The following IL1RAPL1 variants were observed in gnomAD, a reference collection of about 807,000 sequenced individuals.
IL1RAPL1 encodes the protein interleukin 1 receptor accessory protein like 1, also known as interleukin-1 receptor accessory protein-like 1.
IL1RAPL1 carries 3 observed loss-of-function variants against 48.4 expected under a neutral mutation model. The observed-to-expected ratio is 0.06, with a 90% confidence interval of 0.03 to 0.16. IL1RAPL1 has a LOEUF of 0.16. Ranked by LOEUF, IL1RAPL1 falls within the 10% of genes least tolerant of loss-of-function variation. The pLI, the probability that IL1RAPL1 is intolerant of heterozygous loss-of-function variation, is 1.00. For missense variants in IL1RAPL1, 349 were observed against 530.6 expected (o/e 0.66, Z 3.36); for synonymous variants, 185 against 187.7 (o/e 0.99, Z 0.12).
At chrX:28,913,367 T>G (rs1465660443) in intron 2 of IL1RAPL1, among the ~76,000 whole-genome samples, 1 of 111,775 alleles carries the variant, frequency 8.9e-6, no homozygotes, top group Admixed American at 9.6e-5. Context: ...TTGAATTACA[T>G]ACATAATTTT....
intron 6 of IL1RAPL1, among the ~76,000 whole-genome samples, chrX:29,713,955 T>C (rs1315227925): frequency 8.9e-6 from 1 of 112,173 alleles, no homozygotes; most frequent in East Asian, 2.8e-4. Context: ...AATGCCTGTT[T>C]ATTTTCTTAC....
At chrX:29,375,865 C>G (rs2147670192) in intron 3 of IL1RAPL1, among the ~76,000 whole-genome samples, 1 of 112,200 alleles carries the variant, frequency 8.9e-6, no homozygotes, top group South Asian at 3.7e-4. Flanking sequence ...TCATAGTAGT[C>G]TCTGAGGATC....
intron 2 of IL1RAPL1, among the ~76,000 whole-genome samples, chrX:28,875,920 C>T (rs941731016): frequency 1.8e-5 from 2 of 111,251 alleles, no homozygotes; most frequent in African/African-American, 6.5e-5. Context: ...GGGTGAGACC[C>T]AAGCATCTAT....
chrX:29,159,938 C>T (rs755790283), intron 2 of IL1RAPL1, among the ~76,000 whole-genome samples: 3 of 110,975 alleles, frequency 2.7e-5, no homozygotes, highest in Admixed American at 9.7e-5. Flanking sequence ...CTTGAACTCC[C>T]GACCTCAGGT....
intron 2 of IL1RAPL1, among the ~76,000 whole-genome samples, chrX:28,819,987 T>G (rs184280788): frequency 1.7e-4 from 13 of 77,519 alleles, no homozygotes; most frequent in African/African-American, 4.3e-4. Flanking sequence ...TATATATATA[T>G]ATATATATAT....
chrX:29,485,266 A>C (rs2147749474), intron 5 of IL1RAPL1, among the ~76,000 whole-genome samples: 1 of 112,326 alleles, frequency 8.9e-6, no homozygotes, highest in South Asian at 3.7e-4. Flanking sequence ...TAGTTTTATT[A>C]TCTCCAAATG....
chrX:29,755,565 T>C (rs980317610), intron 6 of IL1RAPL1, among the ~76,000 whole-genome samples: 2 of 112,449 alleles, frequency 1.8e-5, no homozygotes, highest in African/African-American at 6.5e-5. Context: ...CGTCAATACT[T>C]TGAGAACAAA....
intron 2 of IL1RAPL1, among the ~76,000 whole-genome samples, chrX:29,280,784 A>G (rs1221306857): frequency 9.0e-6 from 1 of 111,689 alleles, no homozygotes; most frequent in African/African-American, 3.3e-5. Flanking sequence ...GTCTTGTGAA[A>G]AAAATACCAA....
At chrX:29,805,295 G>A (rs1370302128) in intron 6 of IL1RAPL1, among the ~76,000 whole-genome samples, 1 of 111,204 alleles carries the variant, frequency 9.0e-6, no homozygotes, top group African/African-American at 3.3e-5. Context: ...TCAGATAAAG[G>A]AAATATTAAA....
intron 5 of IL1RAPL1, among the ~76,000 whole-genome samples, chrX:29,603,420 G>A (rs1007065203): frequency 8.9e-5 from 10 of 112,095 alleles, no homozygotes; most frequent in African/African-American, 2.6e-4. Flanking sequence ...CAACTGATAA[G>A]TGCATCATTG....
intron 5 of IL1RAPL1, among the ~76,000 whole-genome samples, chrX:29,639,042 T>C (rs778171364): frequency 1.8e-5 from 2 of 110,260 alleles, no homozygotes; most frequent in South Asian, 4.0e-4. Context: ...AAACATTAGC[T>C]GGGCGTGGTG....
intron 2 of IL1RAPL1, among the ~76,000 whole-genome samples, chrX:28,845,340 ATTT>A (rs1288258986): frequency 9.0e-6 from 1 of 111,501 alleles, no homozygotes. Context: ...TGAAATTCTC[ATTT>A]TTTATATATT....
intron 6 of IL1RAPL1, among the ~76,000 whole-genome samples, chrX:29,752,570 A>G (rs1423560099): frequency 1.8e-5 from 2 of 110,248 alleles, no homozygotes; most frequent in Non-Finnish European, 3.8e-5. Flanking sequence ...CACTTCCTTA[A>G]ATAGGTAAGA....
chrX:29,479,602 G>T (rs961407541), intron 5 of IL1RAPL1, among the ~76,000 whole-genome samples: 2 of 108,495 alleles, frequency 1.8e-5, no homozygotes, highest in African/African-American at 3.4e-5. Flanking sequence ...GGTGAATTCT[G>T]AAATTTTAGT....
intron 2 of IL1RAPL1, among the ~76,000 whole-genome samples, chrX:28,984,353 G>A (rs1413281213): frequency 9.0e-6 from 1 of 111,650 alleles, no homozygotes; most frequent in African/African-American, 3.3e-5. Context: ...TTCACACAAG[G>A]CTGGGTCATC....
chrX:29,752,078 A>ATG (rs1239506707), intron 6 of IL1RAPL1, among the ~76,000 whole-genome samples: 4 of 86,835 alleles, frequency 4.6e-5, no homozygotes, highest in African/African-American at 2.0e-4. Context: ...ATATGTGTGT[A>ATG]TGTATATATA....
intron 5 of IL1RAPL1, among the ~76,000 whole-genome samples, chrX:29,406,634 C>T (rs1327927176): frequency 8.9e-6 from 1 of 111,940 alleles, no homozygotes; most frequent in Admixed American, 9.5e-5. Flanking sequence ...CTAATACTAC[C>T]GAGTTTTACA....
chrX:28,880,081 T>C (rs1922467446), intron 2 of IL1RAPL1, among the ~76,000 whole-genome samples: 1 of 112,404 alleles, frequency 8.9e-6, no homozygotes, highest in Non-Finnish European at 1.9e-5. Context: ...ACAGTGAAAA[T>C]TAAAATTATT....
At position 28,644,525 on chromosome X, in the gene IL1RAPL1, T is replaced by G. The variant is rs1934585878; in HGVS notation, c.-25+56478T>G. On this transcript the variant is annotated intron_variant, in intron 1 of 10. Coordinates refer to ENST00000378993, the MANE Select transcript of IL1RAPL1 (RefSeq NM_014271.4). ...TGATACACACTCCCACCTAGCGCCT[T>G]GCACTCAGAAGATTCAGTTCATATA... Among the ~76,000 whole-genome samples, 3 of 111,440 alleles carry G rather than the reference T, an allele frequency of 2.7e-5. No homozygotes were observed. The South Asian group carries it at 1.1e-3, about 42-fold the overall frequency.
Sources: allele counts gnomAD v4.1 joint callset (sites outside exome capture counted in the v4.1 genomes callset), GRCh38; gene constraint gnomAD v4.1.1; transcripts MANE v1.5; gene names NCBI Gene and HGNC (gene_info 2026-07-23, HGNC 2026-07-21).